DCDC2C: variants seen among roughly 807,000 people sequenced by gnomAD.
DCDC2C encodes doublecortin domain-containing protein 2C.
A neutral mutation model predicts 45.0 loss-of-function variants in DCDC2C; 44 were observed. That is an observed-to-expected ratio of 0.98 (90% CI 0.77 to 1.26). The LOEUF is 1.26. Among genes scored for constraint, DCDC2C ranks in the 50% most tolerant of loss-of-function variants. The pLI, the probability that DCDC2C is intolerant of heterozygous loss-of-function variation, is 0.00. For missense variants in DCDC2C, 447 were observed against 468.9 expected (o/e 0.95, Z 0.43); for synonymous variants, 187 against 178.8 (o/e 1.05, Z -0.37).
intron 6 of DCDC2C, among the ~76,000 whole-genome samples, chr2:3,765,425 AGGAAGGGACTTCCACGT>A (rs1231103611): frequency 5.9e-4 from 90 of 152,290 alleles, no homozygotes; most frequent in African/African-American, 2.2e-3. Flanking sequence ...GAAGAAGGTG[AGGAAGGGACTTCCACGT>A]GGAAGGGAGC....
chr2:3,837,617 T>A lies in DCDC2C; in HGVS notation c.1066-9537T>A. ...TGTTCTCATCTAAAGGGGAAGAAAC[T>A]GAGGAAGAAATCAGCCTTTGGCTCC... On this transcript the variant is annotated intron_variant, in intron 10 of 10. Transcript: ENST00000399143. Among the ~76,000 whole-genome samples, 11 of 101,946 alleles carry A rather than the reference T, an allele frequency of 1.1e-4. 1 individual carries two copies. The highest frequency in any genetic ancestry group is 2.3e-4 in the Non-Finnish European group (10 of 42,772). The allele number at this position is 101,946 out of a possible 152,430, so 66.9% of individuals were successfully genotyped here.
intron 9 of DCDC2C, among the ~76,000 whole-genome samples, chr2:3,780,765 A>G (rs1670488495): frequency 6.6e-6 from 1 of 152,218 alleles, no homozygotes; most frequent in African/African-American, 2.4e-5. Flanking sequence ...CAGAATAAAC[A>G]AGATTAAAAA....
chr2:3,801,608 G>A (rs776519082), intron 10 of DCDC2C, among the ~76,000 whole-genome samples: 1 of 152,248 alleles, frequency 6.6e-6, no homozygotes, highest in African/African-American at 2.4e-5. Flanking sequence ...AATCCCTGTG[G>A]AAAGCTGTGT....
chr2:3,745,262 G>A (rs955188000), intron 4 of DCDC2C, among the ~76,000 whole-genome samples: 2 of 152,082 alleles, frequency 1.3e-5, no homozygotes, highest in African/African-American at 4.8e-5. Context: ...CTGAGATTAT[G>A]GGCATGAGCC....
At chr2:3,713,962 A>C (rs191082935) in intron 2 of DCDC2C, among the ~76,000 whole-genome samples, 1 of 152,346 alleles carries the variant, frequency 6.6e-6, no homozygotes, top group East Asian at 1.9e-4. Flanking sequence ...CTGTTTTACA[A>C]ATTAAATGTG....
intron 3 of DCDC2C, among the ~76,000 whole-genome samples, chr2:3,737,002 G>T (rs1303595418): frequency 2.0e-5 from 3 of 152,168 alleles, no homozygotes; most frequent in African/African-American, 7.2e-5. Flanking sequence ...TTTTGGAAAT[G>T]GAAGATTGAG....
chr2:3,728,650 G>A (rs1447322004), intron 3 of DCDC2C, among the ~76,000 whole-genome samples: 6 of 152,312 alleles, frequency 3.9e-5, no homozygotes, highest in Non-Finnish European at 7.4e-5. Flanking sequence ...ATATCCATGT[G>A]AGTGCAGAGT....
At chr2:3,711,220 A>G (rs1191777949) in intron 2 of DCDC2C, among the ~76,000 whole-genome samples, 1 of 152,212 alleles carries the variant, frequency 6.6e-6, no homozygotes, top group African/African-American at 2.4e-5. Flanking sequence ...ACCATTGTGG[A>G]AGACAGCATG....
rs528361202 is a variant in DCDC2C, at chr2:3,847,711, G to A, written c.*528G>A. Among the ~76,000 whole-genome samples, 13 of 152,262 alleles carry A rather than the reference G, an allele frequency of 8.5e-5. No individual in the cohort carries two copies. The South Asian group carries it at 1.5e-3, about 17-fold the overall frequency. On this transcript the variant is annotated 3_prime_UTR_variant, in exon 11 of 11. Transcript: ENST00000399143. ...TATGTCCTCACTCAAATCTCATGTC[G>A]AATTGTAATCCCCATGTGTTGGAGG... is the stretch of plus-strand genomic sequence containing the variant.
chr2:3,783,030 G>A (rs73146816), intron 9 of DCDC2C, among the ~76,000 whole-genome samples: 4,992 of 152,266 alleles, frequency 0.033, 279 homozygotes, highest in African/African-American at 0.11. Context: ...AAGTATCTCC[G>A]TGCGGTCTGT....
chr2:3,771,145 G>T (rs535035405), intron 8 of DCDC2C, among the ~76,000 whole-genome samples: 1 of 152,368 alleles, frequency 6.6e-6, no homozygotes, highest in Admixed American at 6.5e-5. Context: ...TCCTCCCTCT[G>T]CATCCTCCGT....
At chr2:3,799,689 G>A (rs1292107900) in intron 10 of DCDC2C, among the ~76,000 whole-genome samples, 1 of 152,204 alleles carries the variant, frequency 6.6e-6, no homozygotes, top group Non-Finnish European at 1.5e-5. Flanking sequence ...CGGGGGTCAG[G>A]GGTCAGGGAC....
intron 8 of DCDC2C, among the ~76,000 whole-genome samples, chr2:3,770,940 A>T (rs369586439): frequency 4.6e-5 from 7 of 152,212 alleles, no homozygotes; most frequent in African/African-American, 1.7e-4. Flanking sequence ...GCCGTGGAGG[A>T]GGAGGGGCTT....
intron 6 of DCDC2C, among the ~76,000 whole-genome samples, chr2:3,759,100 A>G (rs1298025657): frequency 6.6e-6 from 1 of 152,200 alleles, no homozygotes; most frequent in Middle Eastern, 3.2e-3. Flanking sequence ...CAAAATGTGC[A>G]GTTCAGGTAC....
intron 10 of DCDC2C, among the ~76,000 whole-genome samples, chr2:3,790,993 C>T (rs550448823): frequency 6.6e-6 from 1 of 152,046 alleles, no homozygotes; most frequent in East Asian, 1.9e-4. Flanking sequence ...ACCTGTAGTC[C>T]CAGCTACTCG....
Position 3,847,149 on chromosome 2 carries a change from TCC to T in DCDC2C, c.1066-4_1066-3del. 1 of 1,231,618 alleles carries T rather than the reference TCC, an allele frequency of 8.1e-7. No individual in the cohort carries two copies. Among genetic ancestry groups the T allele is most frequent in the Non-Finnish European group, 1.0e-6 (1 of 987,914 alleles). 76.3% of individuals were successfully genotyped at this position (1,231,618 alleles called of 1,614,324 possible). ...TCTGTTAACCTGCTTTTCTATGTCT[TCC>T]AGATGGCCCGGGAGTGGAAACCTGT... is the stretch of plus-strand genomic sequence containing the variant. On this transcript the variant is annotated splice_region_variant and splice_polypyrimidine_tract_variant and intron_variant, in intron 10 of 10. Coordinates refer to ENST00000399143, the MANE Select transcript of DCDC2C (RefSeq NM_001287444.2).
chr2:3,703,990 C>G lies in DCDC2C; in HGVS notation c.239C>G (p.Ala80Gly). Residue 80 changes from alanine to glycine, a missense_variant, in exon 1 of 11, where the codon GCG becomes GGG. Physicochemically the swap from Ala to Gly is moderately conservative, Grantham distance 60. Transcript: ENST00000399143. The surrounding 1 kb of genome is among the most constrained non-coding windows in gnomAD (Gnocchi z 4.4). ...HRVLGLDALQ[A>G]GGKYVAAGRE... ...GTGCTGGGGCTGGACGCGCTGCAGGCGGGCGGCAAGTACGTGGCGGCGGGC... is the reference window on the plus strand; with the variant it reads ...GTGCTGGGGCTGGACGCGCTGCAGGGGGGCGGCAAGTACGTGGCGGCGGGC... 1 of 1,294,550 alleles carries G rather than the reference C, an allele frequency of 7.7e-7. No homozygotes were observed. The highest frequency in any genetic ancestry group is 9.8e-7 in the Non-Finnish European group (1 of 1,020,982). 80.2% of individuals were successfully genotyped at this position (1,294,550 alleles called of 1,614,324 possible).
At chr2:3,779,889 C>T (rs148844098) in intron 9 of DCDC2C, among the ~76,000 whole-genome samples, 2,381 of 152,214 alleles carry the variant, frequency 0.016, 73 homozygotes, top group African/African-American at 0.053. Context: ...AGGTCACCCC[C>T]GGCGCCTGAC....
chr2:3,716,193 C>T (rs796099543), intron 2 of DCDC2C, among the ~76,000 whole-genome samples: 178 of 152,228 alleles, frequency 1.2e-3, no homozygotes, highest in African/African-American at 3.9e-3. Flanking sequence ...TATGAATTCA[C>T]GCTGGGAGTC....
Sources: allele counts gnomAD v4.1 joint callset (sites outside exome capture counted in the v4.1 genomes callset), GRCh38; gene constraint gnomAD v4.1.1; non-coding constraint Gnocchi (gnomAD v3.1); transcripts MANE v1.5; gene names NCBI Gene and HGNC (gene_info 2026-07-23, HGNC 2026-07-21).